The following SOX5 variants were observed in gnomAD, a reference collection of about 807,000 sequenced individuals.
The protein encoded by SOX5 is SRY-box transcription factor 5.
A neutral mutation model predicts 92.0 loss-of-function variants in SOX5; 9 were observed. The ratio of observed to expected loss-of-function variants is 0.10; its 90% CI spans 0.06 to 0.17. The LOEUF is 0.17. Among genes scored for constraint, SOX5 ranks in the 10% least tolerant of loss-of-function variants. The probability of loss-of-function intolerance (pLI) is 1.00; values close to 1 mark genes in which losing one functional copy is unlikely to be tolerated. For missense variants in SOX5, 642 were observed against 944.5 expected, an observed-to-expected ratio of 0.68 and a Z score of 4.20; for synonymous variants, 344 against 336.3, an observed-to-expected ratio of 1.02 and a Z score of -0.25.
intron 11 of SOX5, among the ~76,000 whole-genome samples, chr12:23,548,033 C>T (rs1174956587): frequency 6.6e-6 from 1 of 152,044 alleles, no homozygotes; most frequent in African/African-American, 2.4e-5. Flanking sequence ...CACACATACA[C>T]ACATTCCATC....
intron 4 of SOX5, among the ~76,000 whole-genome samples, chr12:24,029,486 G>C (rs957650789): frequency 4.0e-5 from 6 of 151,634 alleles, no homozygotes; most frequent in Non-Finnish European, 8.8e-5. Flanking sequence ...TGTTACCCAG[G>C]ATGGTTTCAA....
intron 2 of SOX5, among the ~76,000 whole-genome samples, chr12:24,297,015 A>G (rs1947345876): frequency 6.6e-6 from 1 of 152,034 alleles, no homozygotes; most frequent in South Asian, 2.1e-4. Context: ...CTAAACTGCC[A>G]GACAGTTAAT....
At chr12:23,862,522 T>C (rs1307046736) in intron 2 of SOX5, among the ~76,000 whole-genome samples, 2 of 152,164 alleles carry the variant, frequency 1.3e-5, no homozygotes, top group South Asian at 2.1e-4. Flanking sequence ...AAACAGTGTA[T>C]CTTAAAAGCA....
At chr12:24,266,238 G>A (rs1565787509) in intron 3 of SOX5, among the ~76,000 whole-genome samples, 1 of 151,996 alleles carries the variant, frequency 6.6e-6, no homozygotes, top group Non-Finnish European at 1.5e-5. Flanking sequence ...TTAATAAACA[G>A]GTTTTCAGTT....
At chr12:23,791,668 A>G (rs1216337438) in intron 3 of SOX5, among the ~76,000 whole-genome samples, 1 of 152,110 alleles carries the variant, frequency 6.6e-6, no homozygotes, top group African/African-American at 2.4e-5. Context: ...TTAACCAATA[A>G]AAAAAATCAG....
intron 4 of SOX5, among the ~76,000 whole-genome samples, chr12:23,976,277 T>C (rs181465189): frequency 3.2e-4 from 48 of 151,936 alleles, no homozygotes; most frequent in Middle Eastern, 3.4e-3. Flanking sequence ...AGTTGTTTAA[T>C]TCTTGGAGAA....
upstream of SOX5, among the ~76,000 whole-genome samples, chr12:23,950,624 G>A (rs559013991): frequency 2.0e-5 from 3 of 152,194 alleles, no homozygotes; most frequent in Non-Finnish European, 4.4e-5. Flanking sequence ...GGATCGCTGG[G>A]GAGGTCAGGA....
chr12:23,986,614 A>C (rs1327798235), intron 4 of SOX5, among the ~76,000 whole-genome samples: 1 of 152,178 alleles, frequency 6.6e-6, no homozygotes, highest in East Asian at 1.9e-4. Context: ...CAACCAGTTG[A>C]CCACATGGTA....
intron 4 of SOX5, among the ~76,000 whole-genome samples, chr12:23,987,624 C>G (rs1950177199): frequency 6.6e-6 from 1 of 152,250 alleles, no homozygotes; most frequent in Middle Eastern, 3.4e-3. Context: ...AAAACCCCAT[C>G]TCTACAAAAA....
chr12:23,711,252 A>T (rs976737642), intron 6 of SOX5, among the ~76,000 whole-genome samples: 3 of 152,190 alleles, frequency 2.0e-5, no homozygotes, highest in African/African-American at 7.2e-5. Flanking sequence ...TGTGAAATAA[A>T]ACTAAGAAAA....
At chr12:23,739,571 A>G (rs1266820029) in intron 5 of SOX5, among the ~76,000 whole-genome samples, 1 of 152,054 alleles carries the variant, frequency 6.6e-6, no homozygotes, top group East Asian at 1.9e-4. Context: ...CCACTTCCAT[A>G]TCTGATTCTT....
chr12:24,379,876 C>CTTTTTTTTTTTTT (rs10652256), intron 1 of SOX5, among the ~76,000 whole-genome samples: 2 of 139,714 alleles, frequency 1.4e-5, no homozygotes, highest in African/African-American at 2.7e-5. Context: ...CCAGAAGATT[C>CTTTTTTTTTTTTT]TTTTTTTTTT....
intron 2 of SOX5, among the ~76,000 whole-genome samples, chr12:24,351,614 T>C (rs576614008): frequency 1.3e-5 from 2 of 152,350 alleles, no homozygotes; most frequent in Admixed American, 6.5e-5. Context: ...TAAAAATTGC[T>C]AATGTCAACT....
intron 3 of SOX5, among the ~76,000 whole-genome samples, chr12:24,248,491 TCTC>T (rs1331940511): frequency 1.3e-5 from 2 of 152,092 alleles, no homozygotes; most frequent in Non-Finnish European, 1.5e-5. Context: ...TTCAAGTGAT[TCTC>T]CTGCCTCAGC....
intron 6 of SOX5, among the ~76,000 whole-genome samples, chr12:23,718,658 A>G (rs556968545): frequency 1.3e-5 from 2 of 152,296 alleles, no homozygotes; most frequent in South Asian, 4.1e-4. Context: ...TCCTGCATCA[A>G]AAACCTTATA....
At chr12:23,584,845 G>A (rs180685426) in intron 9 of SOX5, among the ~76,000 whole-genome samples, 89 of 152,186 alleles carry the variant, frequency 5.8e-4, no homozygotes, top group African/African-American at 2.0e-3. Context: ...ACTGAGTGTA[G>A]CATTCATATC....
intron 4 of SOX5, among the ~76,000 whole-genome samples, chr12:23,970,841 A>ATATATTTTTTTTTTTTTTTTTTTTTTTT: frequency 4.6e-5 from 1 of 21,884 alleles, no homozygotes; most frequent in South Asian, 2.2e-3. Flanking sequence ...TATATATATA[A>ATATATTTTTTTTTTTTTTTTTTTTTTTT]TTTTTTTTTT....
At chr12:23,979,889 CTGGCTGGCTGGCTGGCTGG>C (rs1367523348) in intron 4 of SOX5, among the ~76,000 whole-genome samples, 3 of 129,936 alleles carry the variant, frequency 2.3e-5, no homozygotes, top group Admixed American at 7.4e-5. Context: ...GGCTGGCTGG[CTGGCTGGCTGGCTGGCTGG>C]CTGGCCAGAC....
chr12:23,732,928 A>G (rs2093445125), intron 6 of SOX5, among the ~76,000 whole-genome samples: 1 of 152,206 alleles, frequency 6.6e-6, no homozygotes, highest in African/African-American at 2.4e-5. Flanking sequence ...AAATGTTCTG[A>G]CTTATAAATT....
Sources: allele counts gnomAD v4.1 joint callset (sites outside exome capture counted in the v4.1 genomes callset), GRCh38; gene constraint gnomAD v4.1.1; transcripts MANE v1.5; gene names NCBI Gene and HGNC (gene_info 2026-07-23, HGNC 2026-07-21).